The following NFASC variants were observed in gnomAD, a reference collection of about 807,000 sequenced individuals.
NFASC encodes neurofascin.
NFASC carries 43 observed loss-of-function variants against 147.5 expected under a neutral mutation model. That is an observed-to-expected ratio of 0.29 (90% CI 0.23 to 0.38). The LOEUF is 0.38. Among genes scored for constraint, NFASC ranks in the 10% least tolerant of loss-of-function variants. NFASC has a pLI of 1.00. For synonymous variants in NFASC, 622 were observed against 665.5 expected, an observed-to-expected ratio of 0.93 and a Z score of 1.01; for missense variants, 1,320 against 1,689.0, an observed-to-expected ratio of 0.78 and a Z score of 3.83.
rs112629903 is a variant in NFASC, at chr1:204,988,981, G to T, written c.2767+175G>T. On this transcript the variant is annotated intron_variant, in intron 23 of 29. Transcript: ENST00000339876. ...TGTGTGAGAGGTAGGTGCTGGCATT[G>T]TATCTGGAGCTCAGCTCTCCTTGGA... 3.5e-3 allele frequency: 2,228 copies of T among 638,574 alleles called. 39 individuals carry two copies. The African/African-American group carries it at 0.036, about 10-fold the overall frequency. 39.6% of individuals were successfully genotyped at this position (638,574 alleles called of 1,614,324 possible). A position where few individuals can be genotyped will look rare whatever the true frequency, so the allele number is the denominator to read the frequency against.
chr1:204,973,786 A>G (rs1184586009), intron 12 of NFASC, among the ~76,000 whole-genome samples: 1 of 151,820 alleles, frequency 6.6e-6, no homozygotes, highest in African/African-American at 2.4e-5. Flanking sequence ...ATCCATGTTG[A>G]CTTCCCCTGG....
intron 7 of NFASC, 29 bp from the exon 8 acceptor site, chr1:204,957,627 C>T: frequency 1.2e-6 from 2 of 1,610,534 alleles, no homozygotes; most frequent in Non-Finnish European, 1.7e-6. Flanking sequence ...TTACTACTAA[C>T]CTGCTGCCGT....
At chr1:204,881,417 A>G (rs184327258) in intron 1 of NFASC, among the ~76,000 whole-genome samples, 2 of 152,362 alleles carry the variant, frequency 1.3e-5, no homozygotes, top group East Asian at 3.9e-4. Context: ...AATTGCAATT[A>G]CATTTGCACC....
intron 1 of NFASC, among the ~76,000 whole-genome samples, chr1:204,871,375 G>A (rs1295295368): frequency 6.6e-6 from 1 of 152,182 alleles, no homozygotes; most frequent in African/African-American, 2.4e-5. Context: ...AGGCTCCAAA[G>A]CCCCTGTGTG....
chr1:204,911,748 A>G (rs1282396274), intron 1 of NFASC, among the ~76,000 whole-genome samples: 2 of 152,184 alleles, frequency 1.3e-5, no homozygotes, highest in African/African-American at 4.8e-5. Flanking sequence ...TAGAGAAACC[A>G]TCTGGCCTGA....
At chr1:204,865,427 A>G (rs1260075810) in intron 1 of NFASC, among the ~76,000 whole-genome samples, 2 of 152,230 alleles carry the variant, frequency 1.3e-5, no homozygotes, top group East Asian at 3.8e-4. Context: ...AAAACTTTCA[A>G]TAAGGCAGGG....
At chr1:204,876,980 T>G (rs2078918204) in intron 1 of NFASC, among the ~76,000 whole-genome samples, 1 of 118,272 alleles carries the variant, frequency 8.5e-6, no homozygotes. Context: ...TTATGCCAAA[T>G]GAGTTGGCTA....
rs1472410275 is a variant in NFASC at position 205,015,592 on chromosome 1, C to T, written c.3492-716C>T. ...GCTTAGGGTCAGGGCCTATGGGCCT[C>T]AGAAGGGGCTGGGCATGATCCTCTG... On this transcript the variant is annotated intron_variant, in intron 29 of 29. Coordinates refer to ENST00000339876, the MANE Select transcript of NFASC (RefSeq NM_001005388.3). This position sits in a 1 kb window ranked among gnomAD's most constrained non-coding sequence, Gnocchi z 4.0. 6.6e-6 allele frequency among the ~76,000 whole-genome samples: 1 copy of T among 152,148 alleles called. No homozygotes were observed. The highest frequency in any genetic ancestry group is 1.5e-5 in the Non-Finnish European group (1 of 68,036).
intron 1 of NFASC, among the ~76,000 whole-genome samples, chr1:204,909,307 AT>A (rs1352381224): frequency 6.6e-6 from 1 of 151,754 alleles, no homozygotes; most frequent in Non-Finnish European, 1.5e-5. Context: ...ATGTCTCACT[AT>A]TTTTTTCTCA....
rs200090434 is a variant in NFASC, at chr1:205,009,584, C to T, written c.3317C>T (p.Ala1106Val). Residue 1106 changes from alanine to valine, a missense_variant, in exon 28 of 30, where the codon GCC becomes GTC. Transcript: ENST00000339876. Reference sequence around the variant, plus strand: ...TACACCAACAACCAAGCGGACATCGCCACCCAGGGCTGGTTCATTGGGCTT... The same window carrying T: ...TACACCAACAACCAAGCGGACATCGTCACCCAGGGCTGGTTCATTGGGCTT... Reference protein sequence around the residue: ...TAYTNNQADIATQGWFIGLMC... With the variant: ...TAYTNNQADIVTQGWFIGLMC... 1.2e-6 allele frequency: 2 copies of T among 1,614,156 alleles called. No homozygotes were observed. Among genetic ancestry groups the T allele is most frequent in the East Asian group, 4.5e-5 (2 of 44,866 alleles).
At chr1:204,939,791 T>C (rs560585367) in intron 2 of NFASC, among the ~76,000 whole-genome samples, 65 of 152,386 alleles carry the variant, frequency 4.3e-4, no homozygotes, top group African/African-American at 1.5e-3. Context: ...TCACCTTTCT[T>C]CCTGGTCATC....
In NFASC at chr1:204,975,406, A is replaced by G. The variant is rs1395940904; in HGVS notation, c.1694A>G (p.Tyr565Cys). ...TGGCTGAAGGATGACGAGCCGCTCT[A>G]TATTGGAAACAGGTTTCTCTTCCCC... The part of the protein sequence containing the change: ...VSWLKDDEPL[Y>C]IGNRMKKEDD... The change falls in exon 15 of 30, where the codon TAT becomes TGT. Residue 565 changes from tyrosine to cysteine, a missense_variant. Tyr to Cys is a radical substitution (Grantham distance 194). Transcript: ENST00000339876. The surrounding 1 kb of genome is among the most constrained non-coding windows in gnomAD (Gnocchi z 4.0). The G allele has an allele frequency of 1.2e-6, 2 of 1,613,228 alleles. No homozygotes were observed. The highest frequency in any genetic ancestry group is 1.7e-6 in the Non-Finnish European group (2 of 1,179,262).
intron 10 of NFASC, among the ~76,000 whole-genome samples, chr1:204,970,030 T>G (rs1175612252): frequency 7.0e-6 from 1 of 143,162 alleles, no homozygotes; most frequent in Non-Finnish European, 1.5e-5. Flanking sequence ...GAGCCAAGAT[T>G]GCGCCACTGC....
intron 4 of NFASC, among the ~76,000 whole-genome samples, chr1:204,951,796 T>C (rs907322515): frequency 6.6e-6 from 1 of 152,190 alleles, no homozygotes. Flanking sequence ...AAAGGGATTC[T>C]TCTTATGCTT....
intron 1 of NFASC, among the ~76,000 whole-genome samples, chr1:204,829,408 C>T (rs747943118): frequency 3.7e-4 from 57 of 152,004 alleles, no homozygotes; most frequent in Admixed American, 1.2e-3. Context: ...GCCTGACACC[C>T]GTCACCTTCC....
chr1:205,014,118 C>A (rs966980898), intron 29 of NFASC, among the ~76,000 whole-genome samples: 1 of 152,208 alleles, frequency 6.6e-6, no homozygotes, highest in African/African-American at 2.4e-5. Flanking sequence ...AGAGGAGGAG[C>A]TTGGACCTCC....
At chr1:204,921,877 C>G (rs976487959) in intron 2 of NFASC, among the ~76,000 whole-genome samples, 3 of 151,996 alleles carry the variant, frequency 2.0e-5, no homozygotes, top group African/African-American at 7.3e-5. Flanking sequence ...TGTGTGGGCC[C>G]TTTAGGGCCA....
At chr1:204,961,944 T>C (rs759084123) in intron 8 of NFASC, among the ~76,000 whole-genome samples, 2 of 152,264 alleles carry the variant, frequency 1.3e-5, no homozygotes, top group Non-Finnish European at 2.9e-5. Flanking sequence ...TGTTCTTCAC[T>C]GAGCGTATTG....
At chr1:204,977,614 C>T (rs146705219) in intron 16 of NFASC, 67 bp from the exon 17 acceptor site, 400 of 1,488,740 alleles carry the variant, frequency 2.7e-4, no homozygotes, top group Middle Eastern at 8.7e-4. Context: ...TGCCTACCCC[C>T]ATCCTTCTAG....
Sources: gnomAD v4.1 joint callset for allele counts (sites outside exome capture counted in the v4.1 genomes callset) on GRCh38, gnomAD v4.1.1 for gene constraint, Gnocchi (gnomAD v3.1) non-coding constraint, MANE v1.5 for transcripts, NCBI Gene and HGNC (gene_info 2026-07-23, HGNC 2026-07-21) for gene names.